TENT4A: variants seen among roughly 807,000 people sequenced by gnomAD.
TENT4A encodes the protein DNA polymerase kappa.
In TENT4A, 7 loss-of-function variants were observed where a neutral mutation model predicts 72.8. That is an observed-to-expected ratio of 0.10 (90% CI 0.05 to 0.18). TENT4A has a LOEUF of 0.18. TENT4A is among the 10% of genes least tolerant of loss of function. The pLI, the probability that TENT4A is intolerant of heterozygous loss-of-function variation, is 1.00. For synonymous variants in TENT4A, 456 were observed against 434.3 expected (o/e 1.05, Z -0.62); for missense variants, 831 against 1,017.7 (o/e 0.82, Z 2.50).
At position 6,738,875 on chromosome 5, in the gene TENT4A, T is replaced by A. The variant is rs998725548; in HGVS notation, c.887+146T>A. ...AAAGACTGTGGTTACAGAGGGAAAT[T>A]GGCAGAAAGATTTAATTTAGTGTTA... On this transcript the variant is annotated intron_variant, in intron 3 of 12. Coordinates refer to ENST00000230859, the MANE Select transcript of TENT4A (RefSeq NM_006999.6). 8.8e-6 allele frequency: 6 copies of A among 683,954 alleles called. No individual in the cohort carries two copies. The Middle Eastern group carries it at 7.8e-4, about 89-fold the overall frequency. The allele number at this position is 683,954 out of a possible 1,614,324, so 42.4% of individuals were successfully genotyped here. A position where few individuals can be genotyped will look rare whatever the true frequency, so the allele number is the denominator to read the frequency against.
chr5:6,734,569 G>A (rs921434420), intron 1 of TENT4A, among the ~76,000 whole-genome samples: 4 of 152,230 alleles, frequency 2.6e-5, no homozygotes, highest in Non-Finnish European at 5.9e-5. Flanking sequence ...CCGGGCCCCC[G>A]GCAGTTTCCA....
chr5:6,742,038 T>C (rs1009436323), intron 4 of TENT4A, among the ~76,000 whole-genome samples: 1 of 152,336 alleles, frequency 6.6e-6, no homozygotes. Flanking sequence ...TAAAGTTGTC[T>C]TAAAGAGTGA....
intron 4 of TENT4A, among the ~76,000 whole-genome samples, chr5:6,741,914 T>C (rs910049104): frequency 9.9e-5 from 15 of 152,234 alleles, no homozygotes; most frequent in African/African-American, 3.6e-4. Context: ...GAGTGTGGTC[T>C]GGACAGTTGC....
chr5:6,751,413 T>C (rs10058222), intron 11 of TENT4A: 109,446 of 458,780 alleles, frequency 0.24, 12,023 homozygotes, highest in Middle Eastern at 0.29. Context: ...GGTTCTTGAG[T>C]GCTGCCGTGG....
intron 2 of TENT4A, 77 bp downstream of exon 2, chr5:6,737,710 G>T (rs896531403): frequency 6.8e-7 from 1 of 1,478,634 alleles, no homozygotes; most frequent in Non-Finnish European, 9.2e-7. Flanking sequence ...ATGATGTGTC[G>T]GCTAGATCCA....
chr5:6,745,984 A>G, intron 6 of TENT4A: 3 of 1,357,348 alleles, frequency 2.2e-6, no homozygotes, highest in Admixed American at 3.4e-5. Context: ...TGGATTACCA[A>G]TTTCAAAAAT....
Position 6,742,520 on chromosome 5 carries a change from A to G in TENT4A, c.1039A>G (p.Thr347Ala). The change falls in exon 5 of 13, where the codon ACT becomes GCT. Residue 347 changes from threonine to alanine, a missense_variant. This residue lies in a region of TENT4A where 197 missense variants were observed against 399.6 expected (regional missense o/e 0.49). Coordinates refer to ENST00000230859, the MANE Select transcript of TENT4A (RefSeq NM_006999.6). ...AATAATAAAGCTCACAGATCAGGAG[A>G]CTGAAGTGAAAGTTGACATCAGCTT... is the stretch of plus-strand genomic sequence containing the variant. ...VPIIKLTDQE[T>A]EVKVDISFNM... 6.2e-7 allele frequency: 1 copy of G among 1,612,844 alleles called. No homozygotes were observed. Among genetic ancestry groups the G allele is most frequent in the Non-Finnish European group, 8.5e-7 (1 of 1,178,792 alleles).
chr5:6,745,231 G>C (rs759638693), intron 6 of TENT4A, among the ~76,000 whole-genome samples: 1 of 152,238 alleles, frequency 6.6e-6, no homozygotes, highest in Admixed American at 6.5e-5. Flanking sequence ...TCCTCCTCTT[G>C]TGTGGTGGAA....
At chr5:6,739,876 C>G (rs750595215) in intron 4 of TENT4A, 24 bp downstream of exon 4, 1 of 1,609,402 alleles carries the variant, frequency 6.2e-7, no homozygotes, top group Non-Finnish European at 8.5e-7. Flanking sequence ...TTTGGCCCCT[C>G]TGACCGGGCA....
At chr5:6,729,752 G>A (rs573605156) in intron 1 of TENT4A, among the ~76,000 whole-genome samples, 10 of 152,314 alleles carry the variant, frequency 6.6e-5, no homozygotes, top group African/African-American at 2.4e-4. Flanking sequence ...TTAGGAGACT[G>A]AACCCCTTGG....
At chr5:6,725,486 A>G in intron 1 of TENT4A, among the ~76,000 whole-genome samples, 1 of 152,214 alleles carries the variant, frequency 6.6e-6, no homozygotes, top group East Asian at 1.9e-4. Context: ...GAGGATTCTG[A>G]GGGTGACTTC....
rs541903004 is a variant in TENT4A, at chr5:6,753,630, G to C, written c.2184+593G>C. On this transcript the variant is annotated intron_variant, in intron 12 of 12. Coordinates refer to ENST00000230859, the MANE Select transcript of TENT4A (RefSeq NM_006999.6). ...GAATGATTGGGAGAGCCATGGCGAG[G>C]ATCTTCCAGGTCAGCCCCCGTCGTG... Among the ~76,000 whole-genome samples, 13 of 152,378 alleles carry C rather than the reference G, an allele frequency of 8.5e-5. No homozygotes were observed. The East Asian group carries it at 2.1e-3, about 25-fold the overall frequency.
intron 10 of TENT4A, 151 bp downstream of exon 10, chr5:6,750,654 T>G (rs1000823742): frequency 6.0e-6 from 4 of 666,560 alleles, no homozygotes; most frequent in African/African-American, 1.9e-5. Context: ...AGCCCCGTGA[T>G]GTGGGCACCA....
chr5:6,723,481 T>C (rs750314463), intron 1 of TENT4A, among the ~76,000 whole-genome samples: 2 of 151,032 alleles, frequency 1.3e-5, no homozygotes, highest in Non-Finnish European at 2.9e-5. Flanking sequence ...ATGAGTGATA[T>C]TACTCCTGTT....
At chr5:6,721,881 C>G (rs1740668804) in intron 1 of TENT4A, among the ~76,000 whole-genome samples, 1 of 152,114 alleles carries the variant, frequency 6.6e-6, no homozygotes, top group African/African-American at 2.4e-5. Context: ...TTCCCAAGTG[C>G]TAGGATGTGG....
chr5:6,755,076 T>G lies in TENT4A; in HGVS notation c.*131T>G. On this transcript the variant is annotated 3_prime_UTR_variant, in exon 13 of 13. Transcript: ENST00000230859. ...GCGGCACGCCCGCCGCTGATCACTCTGCATGTTTCTTCGTGTGGTGGTCGC... is the reference window on the plus strand; with the variant it reads ...GCGGCACGCCCGCCGCTGATCACTCGGCATGTTTCTTCGTGTGGTGGTCGC... 1 of 683,066 alleles carries G rather than the reference T, an allele frequency of 1.5e-6. No individual in the cohort carries two copies. Among genetic ancestry groups the G allele is most frequent in the African/African-American group, 1.8e-5 (1 of 55,474 alleles). The allele number at this position is 683,066 out of a possible 1,614,324, so 42.3% of individuals were successfully genotyped here.
At chr5:6,714,771 C>G in intron 1 of TENT4A, 72 bp downstream of exon 1, 1 of 525,008 alleles carries the variant, frequency 1.9e-6, no homozygotes, top group Non-Finnish European at 2.6e-6. Flanking sequence ...GGTGCAGACA[C>G]CCGTCCCAGG....
rs533243868 is a variant in TENT4A, at chr5:6,725,806, G to A, written c.716+11107G>A. Among the ~76,000 whole-genome samples, 16 of 152,048 alleles carry A rather than the reference G, an allele frequency of 1.1e-4. No individual in the cohort carries two copies. In the South Asian group the frequency reaches 3.3e-3, roughly 32 times the overall value. On this transcript the variant is annotated intron_variant, in intron 1 of 12. Coordinates refer to ENST00000230859, the MANE Select transcript of TENT4A (RefSeq NM_006999.6). Reference sequence around the variant, plus strand: ...TGTAGATGGACACATGGATTGGTCAGTAGAAATACTTTTATTAAAAGTCTT... The same window carrying A: ...TGTAGATGGACACATGGATTGGTCAATAGAAATACTTTTATTAAAAGTCTT...
In TENT4A at chr5:6,749,546, T is replaced by C; in HGVS notation, c.1587-11T>C. ...TGTACTCTGTTGATCTCCAACAATG[T>C]CCCTTTGCAGTACTTTAGGAAGAAT... is the stretch of plus-strand genomic sequence containing the variant. On this transcript the variant is annotated splice_polypyrimidine_tract_variant and intron_variant, in intron 8 of 12. Transcript: ENST00000230859. 6.3e-7 allele frequency: 1 copy of C among 1,578,992 alleles called. No homozygotes were observed. Among genetic ancestry groups the C allele is most frequent in the Non-Finnish European group, 8.7e-7 (1 of 1,147,976 alleles).
Sources: allele counts gnomAD v4.1 joint callset (sites outside exome capture counted in the v4.1 genomes callset), GRCh38; gene constraint gnomAD v4.1.1; regional missense constraint gnomAD v4.1.1; transcripts MANE v1.5; gene names NCBI Gene and HGNC (gene_info 2026-07-23, HGNC 2026-07-21).